Variants in CRYGA observed in about 807,000 individuals in gnomAD.
CRYGA encodes the protein gamma-crystallin A.
Under a neutral mutation model 13.8 loss-of-function variants are expected in CRYGA, and 11 were observed. That is an observed-to-expected ratio of 0.80 (90% CI 0.50 to 1.32). The LOEUF (loss-of-function observed/expected upper bound fraction) is 1.32. Among genes scored for constraint, CRYGA ranks in the 40% most tolerant of loss-of-function variants. The pLI is 0.00. For synonymous variants in CRYGA, 97 were observed against 89.3 expected (o/e 1.09, Z -0.48); for missense variants, 271 against 234.1 (o/e 1.16, Z -1.03).
At position 208,163,437 on chromosome 2, in the gene CRYGA, A is replaced by T. The variant is rs907533627; in HGVS notation, c.19T>A (p.Tyr7Asn). 2.8e-5 allele frequency: 45 copies of T among 1,613,726 alleles called. No homozygotes were observed. In the East Asian group the frequency reaches 1.0e-3, roughly 36 times the overall value. MGKITF[Y>N]EDRDFQGRCY... is the part of the protein sequence containing the mutation. ...CGACCCTGAAAGTCTCGGTCCTCGT[A>T]GAAGGTGATCTGAGGTAGAAATAAG... The change falls in exon 2 of 3, where the codon TAC (tyrosine) becomes AAC (asparagine). Residue 7 changes from tyrosine (Y) to asparagine (N), a missense_variant. Transcript: ENST00000304502.
Position 208,163,265 on chromosome 2 carries a change from G to T in CRYGA, c.191C>A (p.Pro64His). ...GAGGCCCATCCAGTGCTGATAGTCG[G>T]GGTACTTGCCTCGGCGCAGGAAGTA... ...HQYFLRRGKY[P>H]DYQHWMGLSD... Residue 64 changes from proline to histidine, a missense_variant, in exon 2 of 3, where the codon CCC (proline) becomes CAC (histidine). By Grantham distance (77) the Pro-to-His change is moderately conservative. Coordinates refer to ENST00000304502, the MANE Select transcript of CRYGA (RefSeq NM_014617.4). The T allele has an allele frequency of 6.2e-7, 1 of 1,614,016 alleles. No individual in the cohort carries two copies. The highest frequency in any genetic ancestry group is 8.5e-7 in the Non-Finnish European group (1 of 1,180,008).
intron 2 of CRYGA, among the ~76,000 whole-genome samples, chr2:208,162,531 A>T (rs1695778980): frequency 6.6e-6 from 1 of 152,206 alleles, no homozygotes; most frequent in African/African-American, 2.4e-5. Flanking sequence ...CTATATTGTT[A>T]TCTCATAGTC....
In CRYGA at chr2:208,163,285, G is replaced by C. The variant is rs146228453; in HGVS notation, c.171C>G (p.Phe57Leu). Residue 57 changes from phenylalanine to leucine, a missense_variant, in exon 2 of 3, where the codon TTC becomes TTG. Coordinates refer to ENST00000304502, the MANE Select transcript of CRYGA (RefSeq NM_014617.4). ...AGTCGGGGTACTTGCCTCGGCGCAG[G>C]AAGTACTGGTGGCCCTGGTAATTGG... ...ERPNYQGHQY[F>L]LRRGKYPDYQ... is the part of the protein sequence containing the mutation. 1 of 1,613,938 alleles carries C rather than the reference G, an allele frequency of 6.2e-7. No homozygotes were observed. The highest frequency in any genetic ancestry group is 1.3e-5 in the African/African-American group (1 of 74,866).
chr2:208,160,853 C>T lies in CRYGA; in HGVS notation c.476G>A (p.Gly159Asp). ...GDYRRYHDWG[G>D]ADAKVGSLRR... ...CAAAGAGCCGACTTTGGCATCTGCA[C>T]CCCCCCAGTCGTGGTACCTTCTGTA... Residue 159 changes from glycine to aspartate, a missense_variant, in exon 3 of 3, where the codon GGT becomes GAT. By Grantham distance (94) the Gly-to-Asp change is moderately conservative. Coordinates refer to ENST00000304502, the MANE Select transcript of CRYGA (RefSeq NM_014617.4). 2 of 1,604,128 alleles carry T rather than the reference C, an allele frequency of 1.2e-6. No individual in the cohort carries two copies. The highest frequency in any genetic ancestry group is 1.7e-6 in the Non-Finnish European group (2 of 1,171,152).
chr2:208,161,131 C>A, intron 2 of CRYGA, 55 bp from the exon 3 acceptor site: 1 of 1,541,714 alleles, frequency 6.5e-7, no homozygotes, highest in South Asian at 1.2e-5. Context: ...CCTTGGGTGT[C>A]AACGAAAGTG....
In CRYGA at chr2:208,160,907, C is replaced by A. The variant is rs1189294392; in HGVS notation, c.422G>T (p.Gly141Val). ...WVLYEMPNYR[G>V]RQYLLRPGDY... is the part of the protein sequence containing the mutation. ...CCCAGGCCTCAGCAGATACTGCCGC[C>A]CCCGGTAGTTGGGCATTTCATAGAG... The change falls in exon 3 of 3, where the codon GGG becomes GTG. Residue 141 changes from glycine (G) to valine (V), a missense_variant. Transcript: ENST00000304502. 2.5e-6 allele frequency: 4 copies of A among 1,612,942 alleles called. No individual in the cohort carries two copies. The highest frequency in any genetic ancestry group is 2.7e-5 in the African/African-American group (2 of 74,836).
Position 208,161,059 on chromosome 2 carries a change from T to C in CRYGA, c.270A>G (p.Leu90=), listed in dbSNP as rs778187860. Residue 90 remains leucine, a synonymous_variant, in exon 3 of 3, where the codon TTA becomes TTG. Coordinates refer to ENST00000304502, the MANE Select transcript of CRYGA (RefSeq NM_014617.4). Reference sequence around the variant, plus strand: ...GGTAGTCATCTCTCTCGTACAGCCTTAACTTGTGCGAGCTGGTCTGTCATG... The same window carrying C: ...GGTAGTCATCTCTCTCGTACAGCCTCAACTTGTGCGAGCTGGTCTGTCATG... ...RIIPHTSSHK[L]RLYERDDYRG... is the part of the protein sequence containing the mutation. The C allele has an allele frequency of 6.2e-7, 1 of 1,614,124 alleles. No individual in the cohort carries two copies. Among genetic ancestry groups the C allele is most frequent in the African/African-American group, 1.3e-5 (1 of 75,032 alleles).
Position 208,163,370 on chromosome 2 carries a change from T to C in CRYGA, c.86A>G (p.Tyr29Cys). The change falls in exon 2 of 3, where the codon TAC becomes TGC. Residue 29 changes from tyrosine to cysteine, a missense_variant. Transcript: ENST00000304502. Reference sequence around the variant, plus strand: ...TCGGATGGAGTTGCAGCGGCTGAAGTAGACCCGCAGGTTGGGGCAGTCACT... The same window carrying C: ...TCGGATGGAGTTGCAGCGGCTGAAGCAGACCCGCAGGTTGGGGCAGTCACT... ...CISDCPNLRVYFSRCNSIRVD... is the reference protein window; with the variant it reads ...CISDCPNLRVCFSRCNSIRVD... The C allele has an allele frequency of 3.1e-6, 5 of 1,613,916 alleles. No individual in the cohort carries two copies. Among genetic ancestry groups the C allele is most frequent in the Non-Finnish European group, 4.2e-6 (5 of 1,179,992 alleles).
intron 2 of CRYGA, 32 bp downstream of exon 2, chr2:208,163,172 T>A: frequency 6.4e-7 from 1 of 1,574,118 alleles, no homozygotes; most frequent in Non-Finnish European, 8.7e-7. Context: ...TCATTGATGC[T>A]TTCACATCAG....
chr2:208,163,199 C>T lies in CRYGA; in HGVS notation c.252+5G>A. The T allele has an allele frequency of 1.2e-6, 2 of 1,610,440 alleles. No homozygotes were observed. Among genetic ancestry groups the T allele is most frequent in the East Asian group, 4.5e-5 (2 of 44,828 alleles). On this transcript the variant is annotated splice_donor_5th_base_variant and intron_variant, in intron 2 of 2. Transcript: ENST00000304502. ...TCACATCAGTCAAGTTGAAGCAAGA[C>T]TCACATGAGGAATTATACGGCAGGA...
Position 208,160,859 on chromosome 2 carries a change from C to A in CRYGA, c.470G>T (p.Trp157Leu), listed in dbSNP as rs140372256. 233 of 1,612,018 alleles carry A rather than the reference C, an allele frequency of 1.4e-4. 1 individual carries two copies. The African/African-American group carries it at 2.6e-3, about 18-fold the overall frequency. The change falls in exon 3 of 3, where the codon TGG (tryptophan) becomes TTG (leucine). Residue 157 changes from tryptophan (W) to leucine (L), a missense_variant. Transcript: ENST00000304502. The part of the protein sequence containing the change: ...RPGDYRRYHD[W>L]GGADAKVGSL... ...GCCGACTTTGGCATCTGCACCCCCC[C>A]AGTCGTGGTACCTTCTGTAGTCCCC...
Position 208,160,877 on chromosome 2 carries a change from T to C in CRYGA, c.452A>G (p.Tyr151Cys), listed in dbSNP as rs1319285378. Residue 151 changes from tyrosine to cysteine, a missense_variant, in exon 3 of 3, where the codon TAC becomes TGC. Tyr to Cys is a radical substitution (Grantham distance 194, BLOSUM62 -2). Coordinates refer to ENST00000304502, the MANE Select transcript of CRYGA (RefSeq NM_014617.4). ...ACCCCCCCAGTCGTGGTACCTTCTG[T>C]AGTCCCCAGGCCTCAGCAGATACTG... Reference protein sequence around the residue: ...GRQYLLRPGDYRRYHDWGGAD... With the variant: ...GRQYLLRPGDCRRYHDWGGAD... 3 of 1,612,144 alleles carry C rather than the reference T, an allele frequency of 1.9e-6. No homozygotes were observed. The highest frequency in any genetic ancestry group is 2.5e-6 in the Non-Finnish European group (3 of 1,178,390).
intron 2 of CRYGA, 32 bp from the exon 3 acceptor site, chr2:208,161,108 A>G: frequency 1.2e-6 from 2 of 1,605,278 alleles, no homozygotes; most frequent in South Asian, 2.2e-5. Flanking sequence ...GAACAAAAAT[A>G]AACAGCATGC....
chr2:208,161,773 C>T (rs1474487933), intron 2 of CRYGA, among the ~76,000 whole-genome samples: 1 of 152,000 alleles, frequency 6.6e-6, no homozygotes, highest in African/African-American at 2.4e-5. Context: ...ACTTTTTGCA[C>T]TTATAATTTA....
intron 2 of CRYGA, among the ~76,000 whole-genome samples, chr2:208,162,186 C>T (rs1260963810): frequency 6.6e-6 from 1 of 152,196 alleles, no homozygotes; most frequent in Non-Finnish European, 1.5e-5. Context: ...ATCTGCCCAG[C>T]TCAGCCTCCC....
Position 208,160,966 on chromosome 2 carries a change from G to T in CRYGA, c.363C>A (p.Ile121=), listed in dbSNP as rs1053107516. The T allele has an allele frequency of 1.9e-6, 3 of 1,613,842 alleles. No individual in the cohort carries two copies. The highest frequency in any genetic ancestry group is 2.5e-6 in the Non-Finnish European group (3 of 1,179,908). ...CVPELFRLPE[I]YSLHVLEGCW... ...AGCCCTCCAGTACGTGGAGGGAATA[G>T]ATCTCAGGGAGACGGAACAGTTCTG... Residue 121 remains isoleucine (I), a synonymous_variant, in exon 3 of 3, where the codon ATC becomes ATA. Transcript: ENST00000304502.
intron 2 of CRYGA, among the ~76,000 whole-genome samples, chr2:208,162,296 T>C (rs974685544): frequency 4.6e-5 from 7 of 152,188 alleles, no homozygotes; most frequent in Admixed American, 4.6e-4. Flanking sequence ...ACAGAAAGTG[T>C]AAATACATGC....
chr2:208,163,452 G>A lies in CRYGA; in HGVS notation c.10-6C>T. On this transcript the variant is annotated splice_region_variant and splice_polypyrimidine_tract_variant and intron_variant, in intron 1 of 2. Transcript: ENST00000304502. ...CGGTCCTCGTAGAAGGTGATCTGAG[G>A]TAGAAATAAGGTGACAGTAGACAGT... 6.2e-7 allele frequency: 1 copy of A among 1,613,472 alleles called. No homozygotes were observed.
Position 208,162,117 on chromosome 2 carries a change from G to A in CRYGA, c.253-1041C>T, listed in dbSNP as rs190623391. Among the ~76,000 whole-genome samples, 375 of 151,852 alleles carry A rather than the reference G, an allele frequency of 2.5e-3. 2 individuals are homozygous for A. Among genetic ancestry groups the A allele is most frequent in the Non-Finnish European group, 4.4e-3 (301 of 67,898 alleles). On this transcript the variant is annotated intron_variant, in intron 2 of 2. Coordinates refer to ENST00000304502, the MANE Select transcript of CRYGA (RefSeq NM_014617.4). Reference sequence around the variant, plus strand: ...ATGCCTGGCTAATGTTTTGTATTTTGGTAGAGACAGGGTTTCACCATGTTG... The same window carrying A: ...ATGCCTGGCTAATGTTTTGTATTTTAGTAGAGACAGGGTTTCACCATGTTG...
Sources: allele counts gnomAD v4.1 joint callset (sites outside exome capture counted in the v4.1 genomes callset), GRCh38; gene constraint gnomAD v4.1.1; transcripts MANE v1.5; gene names NCBI Gene and HGNC (gene_info 2026-07-23, HGNC 2026-07-21).